The following STK38L variants were observed in gnomAD, a reference collection of about 807,000 sequenced individuals.
STK38L encodes serine/threonine-protein kinase 38-like.
A neutral mutation model predicts 59.7 loss-of-function variants in STK38L; 28 were observed. The observed-to-expected ratio is 0.47, with a 90% confidence interval of 0.35 to 0.64. STK38L has a LOEUF of 0.64. Ranked by LOEUF, STK38L falls within the 30% of genes least tolerant of loss-of-function variation. The pLI is 0.01. For synonymous variants in STK38L, 162 were observed against 176.8 expected (o/e 0.92, Z 0.66); for missense variants, 314 against 555.8 (o/e 0.56, Z 4.37).
At chr12:27,292,270 A>T (rs1943913449) in intron 1 of STK38L, among the ~76,000 whole-genome samples, 1 of 152,332 alleles carries the variant, frequency 6.6e-6, no homozygotes, top group Non-Finnish European at 1.5e-5. Flanking sequence ...TAATTTGATC[A>T]CTTCTTAGTT....
At chr12:27,321,737 G>A (rs1944733469) in intron 12 of STK38L, among the ~76,000 whole-genome samples, 1 of 152,060 alleles carries the variant, frequency 6.6e-6, no homozygotes, top group Non-Finnish European at 1.5e-5. Context: ...ACAAGAGGGT[G>A]ACTATAGTCA....
chr12:27,256,216 A>G (rs1283478622), intron 1 of STK38L, among the ~76,000 whole-genome samples: 4 of 152,222 alleles, frequency 2.6e-5, no homozygotes, highest in African/African-American at 4.8e-5. Flanking sequence ...GGCTGCCACA[A>G]TGACTGTCCT....
At chr12:27,275,564 C>T (rs961979189) in intron 1 of STK38L, among the ~76,000 whole-genome samples, 1 of 152,084 alleles carries the variant, frequency 6.6e-6, no homozygotes, top group Admixed American at 6.5e-5. Flanking sequence ...GCCCTGAACC[C>T]CTGACCTCAG....
chr12:27,277,435 C>T (rs1468177172), intron 1 of STK38L, among the ~76,000 whole-genome samples: 6 of 151,578 alleles, frequency 4.0e-5, no homozygotes, highest in African/African-American at 1.5e-4. Flanking sequence ...AGTAGGAGGA[C>T]TCGAAGGAAC....
At chr12:27,244,841 C>T (rs959978704) in intron 1 of STK38L, among the ~76,000 whole-genome samples, 1 of 152,208 alleles carries the variant, frequency 6.6e-6, no homozygotes, top group Admixed American at 6.5e-5. Flanking sequence ...AGCCTCCCAG[C>T]TCCTAGAAGC....
chr12:27,310,806 G>C (rs1034162625), intron 5 of STK38L, among the ~76,000 whole-genome samples: 1 of 152,142 alleles, frequency 6.6e-6, no homozygotes, highest in Non-Finnish European at 1.5e-5. Flanking sequence ...CCTGTGGGGA[G>C]GTGGGGGGCG....
chr12:27,306,419 T>TA (rs1218938308), intron 3 of STK38L, among the ~76,000 whole-genome samples: 1 of 152,150 alleles, frequency 6.6e-6, no homozygotes, highest in East Asian at 1.9e-4. Flanking sequence ...AGTGGCCTTT[T>TA]AAAAATTAGT....
chr12:27,324,205 C>A lies in STK38L; in HGVS notation c.*1750C>A, dbSNP rs185998614. ...TATCTAACAGTTCACTTCCATTTTT[C>A]TAGTCTGGATTTTTTGAGTATTTAG... On this transcript the variant is annotated 3_prime_UTR_variant, in exon 14 of 14. Coordinates refer to ENST00000389032, the MANE Select transcript of STK38L (RefSeq NM_015000.4). The A allele has an allele frequency of 2.7e-5, 4 of 150,730 alleles. No individual in the cohort carries two copies. The highest frequency in any genetic ancestry group is 7.3e-5 in the African/African-American group (3 of 40,936). 9.3% of individuals were successfully genotyped at this position (150,730 alleles called of 1,614,324 possible).
intron 1 of STK38L, among the ~76,000 whole-genome samples, chr12:27,285,139 A>G (rs1160400001): frequency 1.3e-5 from 2 of 152,324 alleles, no homozygotes; most frequent in East Asian, 1.9e-4. Context: ...TTGTACCCCC[A>G]AAGGACTGCT....
At chr12:27,253,490 A>G (rs1331062344) in intron 1 of STK38L, among the ~76,000 whole-genome samples, 3 of 152,154 alleles carry the variant, frequency 2.0e-5, no homozygotes, top group Non-Finnish European at 4.4e-5. Context: ...AATTGTACAT[A>G]AAGTACATAC....
chr12:27,298,886 G>A (rs921478673), intron 2 of STK38L, among the ~76,000 whole-genome samples: 1 of 152,172 alleles, frequency 6.6e-6, no homozygotes, highest in African/African-American at 2.4e-5. Context: ...TCATGGTAGT[G>A]GAGAGCCTTG....
intron 1 of STK38L, among the ~76,000 whole-genome samples, chr12:27,269,037 A>G (rs1261422153): frequency 2.0e-5 from 3 of 152,184 alleles, no homozygotes; most frequent in Non-Finnish European, 4.4e-5. Flanking sequence ...TCAGATAAGT[A>G]GATTGCAAAA....
At chr12:27,272,400 C>T (rs1943442247) in intron 1 of STK38L, among the ~76,000 whole-genome samples, 1 of 152,192 alleles carries the variant, frequency 6.6e-6, no homozygotes. Flanking sequence ...AGTTTAAGAA[C>T]TTTGCCATGC....
chr12:27,299,649 G>A (rs995920573), intron 2 of STK38L, among the ~76,000 whole-genome samples: 1 of 152,110 alleles, frequency 6.6e-6, no homozygotes, highest in Non-Finnish European at 1.5e-5. Context: ...TAGAATTAAG[G>A]TGTTCTTAAT....
At chr12:27,310,233 G>A (rs1944423288) in intron 5 of STK38L, among the ~76,000 whole-genome samples, 1 of 152,152 alleles carries the variant, frequency 6.6e-6, no homozygotes, top group Non-Finnish European at 1.5e-5. Flanking sequence ...GAGGGAAGAG[G>A]TGTGGAAGGC....
At chr12:27,289,730 G>T (rs1943855006) in intron 1 of STK38L, among the ~76,000 whole-genome samples, 1 of 152,206 alleles carries the variant, frequency 6.6e-6, no homozygotes, top group Non-Finnish European at 1.5e-5. Context: ...AAATTGGTGT[G>T]TGTTGCCTCA....
chr12:27,279,226 T>A (rs1420760571), intron 1 of STK38L, among the ~76,000 whole-genome samples: 1 of 152,216 alleles, frequency 6.6e-6, no homozygotes, highest in African/African-American at 2.4e-5. Context: ...AGGATTGGTT[T>A]ATTGGGATGT....
chr12:27,266,844 G>A (rs879204549), intron 1 of STK38L, among the ~76,000 whole-genome samples: 2 of 152,112 alleles, frequency 1.3e-5, no homozygotes, highest in Non-Finnish European at 2.9e-5. Flanking sequence ...AAAAGATTCC[G>A]GAGTCAAGAG....
At chr12:27,257,582 G>A (rs1943116199) in intron 1 of STK38L, among the ~76,000 whole-genome samples, 1 of 152,150 alleles carries the variant, frequency 6.6e-6, no homozygotes, top group African/African-American at 2.4e-5. Flanking sequence ...TACTTACAGT[G>A]ATGGCTAAAT....
Sources: gnomAD v4.1 joint callset for allele counts (sites outside exome capture counted in the v4.1 genomes callset) on GRCh38, gnomAD v4.1.1 for gene constraint, MANE v1.5 for transcripts, NCBI Gene and HGNC (gene_info 2026-07-23, HGNC 2026-07-21) for gene names.